The following PCLO variants were observed in gnomAD, a reference collection of about 807,000 sequenced individuals.
PCLO encodes protein piccolo.
A neutral mutation model predicts 427.5 loss-of-function variants in PCLO; 82 were observed. That is an observed-to-expected ratio of 0.19 (90% CI 0.16 to 0.23). The LOEUF is 0.23. Ranked by LOEUF, PCLO falls within the 10% of genes least tolerant of loss-of-function variation. The pLI, the probability that PCLO is intolerant of heterozygous loss-of-function variation, is 1.00. For missense variants in PCLO, 6,239 were observed against 6,115.9 expected, an observed-to-expected ratio of 1.02 and a Z score of -0.67; for synonymous variants, 2,357 against 2,155.4, an observed-to-expected ratio of 1.09 and a Z score of -2.59.
chr7:82,989,025 T>A (rs10264777), intron 3 of PCLO, among the ~76,000 whole-genome samples: 4,273 of 151,674 alleles, frequency 0.028, 207 homozygotes, highest in African/African-American at 0.097. Context: ...TTAGTAGATA[T>A]GGGGTCAGGC....
chr7:83,015,930 C>T (rs372304561), intron 3 of PCLO, among the ~76,000 whole-genome samples: 14 of 152,074 alleles, frequency 9.2e-5, no homozygotes, highest in African/African-American at 3.1e-4. Flanking sequence ...CACAACAGTT[C>T]TTCAAAGCAT....
rs977357121 is a variant in PCLO at position 82,822,399 on chromosome 7, T to C, written c.14791+96A>G. On this transcript the variant is annotated intron_variant, in intron 20 of 24. Coordinates refer to ENST00000333891, the MANE Select transcript of PCLO (RefSeq NM_033026.6). Reference sequence around the variant, plus strand: ...CAGAGAACAGGGTGAGCAGAGGATGTTGAAAACTGAAAGCAAACAGGAAAG... The same window carrying C: ...CAGAGAACAGGGTGAGCAGAGGATGCTGAAAACTGAAAGCAAACAGGAAAG... The C allele has an allele frequency of 3.4e-5, 54 of 1,604,434 alleles. 1 individual carries two copies. Among genetic ancestry groups the C allele is most frequent in the Non-Finnish European group, 4.3e-5 (50 of 1,175,534 alleles).
chr7:83,108,359 T>G (rs1562967954), intron 3 of PCLO, among the ~76,000 whole-genome samples: 1 of 152,156 alleles, frequency 6.6e-6, no homozygotes, highest in Non-Finnish European at 1.5e-5. Flanking sequence ...TACTTATCTA[T>G]ATACCTACTT....
At position 82,915,529 on chromosome 7, in the gene PCLO, T is replaced by C. The variant is rs568596043; in HGVS notation, c.12457A>G (p.Thr4153Ala). Reference protein sequence around the residue: ...AGLSHYYHADTSYRHFPKSEK... With the variant: ...AGLSHYYHADASYRHFPKSEK... ...GATTTTGGAAAATGTCTGTAGCTAG[T>C]ATCAGCATGGTAATAATGAGAAAGA... Residue 4153 changes from threonine to alanine, a missense_variant, in exon 7 of 25, where the codon ACT becomes GCT. By Grantham distance (58) the Thr-to-Ala change is moderately conservative. Around this residue, in one of 5 missense-constraint regions of PCLO, gnomAD observed 680 missense variants for 677.3 expected, o/e 1.00. Coordinates refer to ENST00000333891, the MANE Select transcript of PCLO (RefSeq NM_033026.6). 1 of 1,613,744 alleles carries C rather than the reference T, an allele frequency of 6.2e-7. No individual in the cohort carries two copies. Among genetic ancestry groups the C allele is most frequent in the African/African-American group, 1.3e-5 (1 of 75,034 alleles).
intron 3 of PCLO, among the ~76,000 whole-genome samples, chr7:82,978,789 G>A (rs1412352067): frequency 6.7e-6 from 1 of 149,226 alleles, no homozygotes; most frequent in Non-Finnish European, 1.5e-5. Context: ...CAGACCAATT[G>A]GATTTGGAAA....
At chr7:83,027,346 G>T (rs1348621515) in intron 3 of PCLO, among the ~76,000 whole-genome samples, 1 of 152,034 alleles carries the variant, frequency 6.6e-6, no homozygotes, top group African/African-American at 2.4e-5. Context: ...AAATAATCTA[G>T]AAAATCTAGA....
rs183104554 is a variant in PCLO, at chr7:83,057,551, C to T, written c.3300+76699G>A. Among the ~76,000 whole-genome samples the T allele has an allele frequency of 9.5e-4, 141 of 148,960 alleles. 1 individual carries two copies. The highest frequency in any genetic ancestry group is 3.0e-3 in the African/African-American group (123 of 40,606). On this transcript the variant is annotated intron_variant, in intron 3 of 24. Coordinates refer to ENST00000333891, the MANE Select transcript of PCLO (RefSeq NM_033026.6). Reference sequence around the variant, plus strand: ...TAATTTTTTGTATTTTTAGTGGAGACGGAGTTTCACTATGTTAGCCAGGAT... The same window carrying T: ...TAATTTTTTGTATTTTTAGTGGAGATGGAGTTTCACTATGTTAGCCAGGAT...
intron 8 of PCLO, among the ~76,000 whole-genome samples, chr7:82,907,656 G>A (rs1303965718): frequency 6.6e-6 from 1 of 151,866 alleles, no homozygotes; most frequent in Non-Finnish European, 1.5e-5. Context: ...GAATTATATT[G>A]ACATTTTAAT....
intron 16 of PCLO, among the ~76,000 whole-genome samples, chr7:82,829,394 C>T (rs755874023): frequency 3.9e-5 from 6 of 152,030 alleles, no homozygotes; most frequent in Non-Finnish European, 7.4e-5. Context: ...TTTGAAGGCT[C>T]GCAGGTGAAT....
chr7:83,016,270 AAAC>A (rs761480879), intron 3 of PCLO, among the ~76,000 whole-genome samples: 2 of 152,162 alleles, frequency 1.3e-5, no homozygotes, highest in African/African-American at 2.4e-5. Flanking sequence ...GGGGAAAAAA[AAAC>A]AACGTGTGCA....
intron 3 of PCLO, among the ~76,000 whole-genome samples, chr7:83,043,912 C>CTTTTCTTTTTTTTTTT (rs1789033893): frequency 6.3e-5 from 6 of 94,910 alleles, no homozygotes; most frequent in African/African-American, 8.2e-5. Context: ...CTATTATTTT[C>CTTTTCTTTTTTTTTTT]TTTTTTTTTT....
intron 3 of PCLO, among the ~76,000 whole-genome samples, chr7:83,127,190 C>A (rs6963541): frequency 1.3e-5 from 2 of 151,798 alleles, no homozygotes; most frequent in East Asian, 1.9e-4. Flanking sequence ...ATAAATACAA[C>A]GATACCTTAT....
intron 6 of PCLO, among the ~76,000 whole-genome samples, chr7:82,919,530 A>G (rs1794548332): frequency 6.6e-6 from 1 of 152,014 alleles, no homozygotes; most frequent in Non-Finnish European, 1.5e-5. Flanking sequence ...AGTTCAGCTC[A>G]AAGAAACCAA....
intron 3 of PCLO, among the ~76,000 whole-genome samples, chr7:82,992,589 T>C (rs937983024): frequency 1.3e-5 from 2 of 151,868 alleles, no homozygotes; most frequent in African/African-American, 4.8e-5. Flanking sequence ...CCAGGGCCTG[T>C]CGGGGGGTGT....
chr7:83,143,531 A>G (rs1584081936), intron 2 of PCLO, among the ~76,000 whole-genome samples: 1 of 94,156 alleles, frequency 1.1e-5, no homozygotes, highest in East Asian at 5.4e-4. Flanking sequence ...TAAACTAAAT[A>G]TGCACTCTTT....
At chr7:82,760,842 G>A in intron 23 of PCLO, 58 bp from the exon 24 acceptor site, 5 of 844,650 alleles carry the variant, frequency 5.9e-6, no homozygotes, top group South Asian at 2.0e-5. Context: ...TCTATTGAAA[G>A]AATTATAACT....
chr7:82,761,498 G>T lies in PCLO; in HGVS notation c.15008-5C>A. 6.3e-7 allele frequency: 1 copy of T among 1,588,482 alleles called. No homozygotes were observed. The highest frequency in any genetic ancestry group is 8.6e-7 in the Non-Finnish European group (1 of 1,167,022). On this transcript the variant is annotated splice_polypyrimidine_tract_variant and splice_region_variant and intron_variant, in intron 22 of 24. Coordinates refer to ENST00000333891, the MANE Select transcript of PCLO (RefSeq NM_033026.6). The stretch of plus-strand genomic sequence containing the variant: ...CTCCCATTACCTGAGTTTTAGCTGG[G>T]AGAATTTAATAAAAATGCAAAGAAG...
chr7:82,951,289 G>A lies in PCLO; in HGVS notation c.9299C>T (p.Thr3100Ile). Residue 3100 changes from threonine (T) to isoleucine (I), a missense_variant, in exon 6 of 25, where the codon ACA becomes ATA. Coordinates refer to ENST00000333891, the MANE Select transcript of PCLO (RefSeq NM_033026.6). ...GCCAGGTTGTGTGGTGATAGCAAATGTAGAGGGTGTTGGAGTTGCTACTGA... is the reference window on the plus strand; with the variant it reads ...GCCAGGTTGTGTGGTGATAGCAAATATAGAGGGTGTTGGAGTTGCTACTGA... ...YSSVATPTPS[T>I]FAITTQPGSI... 6.2e-7 allele frequency: 1 copy of A among 1,613,308 alleles called. No individual in the cohort carries two copies. The highest frequency in any genetic ancestry group is 8.5e-7 in the Non-Finnish European group (1 of 1,179,600).
intron 13 of PCLO, among the ~76,000 whole-genome samples, chr7:82,842,161 C>T (rs1352931862): frequency 6.6e-6 from 1 of 152,068 alleles, no homozygotes; most frequent in Non-Finnish European, 1.5e-5. Context: ...CTATAGTAAT[C>T]AAAGCAGCAT....
Sources: allele counts gnomAD v4.1 joint callset (sites outside exome capture counted in the v4.1 genomes callset), GRCh38; gene constraint gnomAD v4.1.1; regional missense constraint gnomAD v4.1.1; transcripts MANE v1.5; gene names NCBI Gene and HGNC (gene_info 2026-07-23, HGNC 2026-07-21).